FLVCR2: variants seen among roughly 807,000 people sequenced by gnomAD.
The protein encoded by FLVCR2 is FLVCR choline and putative heme transporter 2.
In FLVCR2, 38 loss-of-function variants were observed where a neutral mutation model predicts 48.9. The ratio of observed to expected loss-of-function variants is 0.78; its 90% confidence interval spans 0.60 to 1.02. The LOEUF is 1.02. FLVCR2 is among the 50% of genes least tolerant of loss of function. The pLI is 0.00. For missense variants in FLVCR2, 664 were observed against 663.3 expected (o/e 1.00, Z -0.01); for synonymous variants, 255 against 257.0 (o/e 0.99, Z 0.07).
At chr14:75,584,684 G>A (rs1318091560) in intron 1 of FLVCR2, among the ~76,000 whole-genome samples, 4 of 152,208 alleles carry the variant, frequency 2.6e-5, no homozygotes, top group African/African-American at 7.2e-5. Flanking sequence ...CTGGAGGTCT[G>A]GCTCGTGAAG....
chr14:75,586,606 T>G (rs776388627), intron 1 of FLVCR2, among the ~76,000 whole-genome samples: 13 of 152,098 alleles, frequency 8.5e-5, no homozygotes, highest in Non-Finnish European at 1.6e-4. Flanking sequence ...TTTACAAAAC[T>G]TCTCTAAAGG....
rs1888539531 is a variant in FLVCR2 at position 75,579,413 on chromosome 14, G to C, written c.441G>C (p.Lys147Asn). ...TGCCAGTGGCTTGGCTGCTGGAGAA[G>C]TTCGGCCTGCGCACCATTGCTCTCA... ...LLLPVAWLLE[K>N]FGLRTIALTG... Residue 147 changes from lysine (K) to asparagine (N), a missense_variant, in exon 1 of 10, where the codon AAG becomes AAC. Transcript: ENST00000238667. The C allele has an allele frequency of 1.2e-6, 2 of 1,613,980 alleles. No homozygotes were observed. The highest frequency in any genetic ancestry group is 1.7e-6 in the Non-Finnish European group (2 of 1,180,056).
chr14:75,621,944 A>G, intron 1 of FLVCR2, 135 bp from the exon 2 acceptor site: 1 of 958,606 alleles, frequency 1.0e-6, no homozygotes, highest in South Asian at 1.3e-5. Context: ...TTTTGAGGTG[A>G]GAAATAATCC....
chr14:75,582,894 G>A (rs1314491901), intron 1 of FLVCR2, among the ~76,000 whole-genome samples: 1 of 152,196 alleles, frequency 6.6e-6, no homozygotes, highest in East Asian at 1.9e-4. Flanking sequence ...TTTGTAGAAG[G>A]TGTTGGGGTT....
intron 1 of FLVCR2, among the ~76,000 whole-genome samples, chr14:75,613,186 T>C (rs1293117281): frequency 2.6e-5 from 4 of 152,148 alleles, no homozygotes; most frequent in Non-Finnish European, 5.9e-5. Context: ...TATCTGAGGC[T>C]GGGTGATATA....
chr14:75,617,827 G>A (rs1889654284), intron 1 of FLVCR2, among the ~76,000 whole-genome samples: 1 of 152,220 alleles, frequency 6.6e-6, no homozygotes, highest in African/African-American at 2.4e-5. Flanking sequence ...AATTACCTAT[G>A]CAGGAACCCA....
At chr14:75,608,990 C>T (rs946435749) in intron 1 of FLVCR2, among the ~76,000 whole-genome samples, 2 of 152,152 alleles carry the variant, frequency 1.3e-5, no homozygotes, top group South Asian at 4.1e-4. Flanking sequence ...GCCAGCTTCC[C>T]TATGTCTTTC....
At chr14:75,629,454 G>A (rs968088993) in intron 3 of FLVCR2, among the ~76,000 whole-genome samples, 2 of 152,068 alleles carry the variant, frequency 1.3e-5, no homozygotes, top group African/African-American at 2.4e-5. Flanking sequence ...TTGGCAATGT[G>A]GGAAGACTCA....
chr14:75,638,014 CAG>C (rs1214160872), intron 5 of FLVCR2, among the ~76,000 whole-genome samples: 2 of 152,130 alleles, frequency 1.3e-5, no homozygotes, highest in Non-Finnish European at 2.9e-5. Flanking sequence ...GGAAATGTAA[CAG>C]GGAGTGGGCG....
chr14:75,624,361 TAAAG>T (rs1379064228), intron 2 of FLVCR2, among the ~76,000 whole-genome samples: 1 of 121,172 alleles, frequency 8.3e-6, no homozygotes, highest in Non-Finnish European at 1.8e-5. Context: ...TCAAAAAAAA[TAAAG>T]AAAAAAAAAA....
At chr14:75,619,417 T>C (rs1889705197) in intron 1 of FLVCR2, among the ~76,000 whole-genome samples, 1 of 152,030 alleles carries the variant, frequency 6.6e-6, no homozygotes, top group Admixed American at 6.6e-5. Flanking sequence ...TGGACCTTAA[T>C]AGAGAGATGT....
At chr14:75,604,569 A>T (rs1298146682) in intron 1 of FLVCR2, among the ~76,000 whole-genome samples, 1 of 152,190 alleles carries the variant, frequency 6.6e-6, no homozygotes. Flanking sequence ...ACCTAAAAAA[A>T]AAAAAGTATT....
At chr14:75,584,244 A>G (rs947524168) in intron 1 of FLVCR2, among the ~76,000 whole-genome samples, 5 of 152,224 alleles carry the variant, frequency 3.3e-5, no homozygotes, top group African/African-American at 1.2e-4. Flanking sequence ...CTTACAGCAG[A>G]GGCAAGTAGC....
rs778286255 is a variant in FLVCR2 at position 75,622,142 on chromosome 14, G to T, written c.733G>T (p.Glu245Ter). Reference protein sequence around the residue: ...VLVPNIEDRDELAYHISIMFY... With the variant: ...VLVPNIEDRD ...GGTACCCAACATTGAAGACCGGGAC[G>T]AGCTTGCCTACCACATCAGCATCAT... The change falls in exon 2 of 10, where the codon GAG becomes TAG. Residue 245 changes from glutamate to a stop codon, truncating the protein, a stop_gained. Transcript: ENST00000238667. LOFTEE classifies it high-confidence loss of function. The T allele has an allele frequency of 3.7e-6, 6 of 1,613,862 alleles. No homozygotes were observed. Among genetic ancestry groups the T allele is most frequent in the African/African-American group, 2.7e-5 (2 of 74,888 alleles).
intron 9 of FLVCR2, among the ~76,000 whole-genome samples, chr14:75,644,027 GACTCC>G (rs1189698105): frequency 7.4e-6 from 1 of 135,076 alleles, no homozygotes; most frequent in Non-Finnish European, 1.6e-5. Flanking sequence ...GACAGAGCAA[GACTCC>G]ATCTCGAAAA....
At chr14:75,618,903 C>G (rs1262899325) in intron 1 of FLVCR2, among the ~76,000 whole-genome samples, 1 of 137,994 alleles carries the variant, frequency 7.2e-6, no homozygotes, top group Non-Finnish European at 1.6e-5. Flanking sequence ...TTTTTTTTTG[C>G]CCTCTCTCTT....
At chr14:75,604,616 A>G (rs1427646267) in intron 1 of FLVCR2, among the ~76,000 whole-genome samples, 1 of 152,210 alleles carries the variant, frequency 6.6e-6, no homozygotes, top group East Asian at 1.9e-4. Context: ...CATCATCAAT[A>G]AAGGTAATCG....
At chr14:75,621,933 GT>G (rs1651674094) in intron 1 of FLVCR2, 145 bp from the exon 2 acceptor site, 1 of 887,908 alleles carries the variant, frequency 1.1e-6, no homozygotes, top group South Asian at 1.3e-5. Context: ...TTTCTCTGGT[GT>G]TTTGAGGTGA....
chr14:75,590,143 G>A (rs780475653), intron 1 of FLVCR2, among the ~76,000 whole-genome samples: 4 of 152,188 alleles, frequency 2.6e-5, no homozygotes, highest in Non-Finnish European at 4.4e-5. Flanking sequence ...CATGTGAAGA[G>A]GCATAACCTA....
Sources: gnomAD v4.1 joint callset for allele counts (sites outside exome capture counted in the v4.1 genomes callset) on GRCh38, gnomAD v4.1.1 for gene constraint, MANE v1.5 for transcripts, NCBI Gene and HGNC (gene_info 2026-07-23, HGNC 2026-07-21) for gene names.